Variants in TFEC observed in about 807,000 individuals in gnomAD.
TFEC encodes class E basic helix-loop-helix protein 34.
TFEC carries 31 observed loss-of-function variants against 41.6 expected under a neutral mutation model. The observed-to-expected ratio is 0.74, with a 90% CI of 0.56 to 1.01. TFEC has a LOEUF of 1.01. Ranked by LOEUF, TFEC falls within the 50% of genes least tolerant of loss-of-function variation. The probability of loss-of-function intolerance (pLI) is 0.00; values close to 1 mark genes in which losing one functional copy is unlikely to be tolerated. For missense variants in TFEC, 402 were observed against 404.1 expected (o/e 0.99, Z 0.04); for synonymous variants, 143 against 140.6 (o/e 1.02, Z -0.12).
At chr7:115,946,778 T>C (rs906440807) in intron 6 of TFEC, among the ~76,000 whole-genome samples, 3 of 150,952 alleles carry the variant, frequency 2.0e-5, no homozygotes, top group African/African-American at 7.3e-5. Context: ...TCAAACAATC[T>C]TCCTGTTTGG....
chr7:115,959,856 A>G (rs1053777557), intron 3 of TFEC, among the ~76,000 whole-genome samples: 3 of 151,642 alleles, frequency 2.0e-5, no homozygotes, highest in Non-Finnish European at 4.4e-5. Flanking sequence ...TAAACAATAC[A>G]GGGAATAGAA....
chr7:116,133,643 CTTG>C (rs1428973209), intron 1 of TFEC, among the ~76,000 whole-genome samples: 1 of 151,686 alleles, frequency 6.6e-6, no homozygotes, highest in African/African-American at 2.4e-5. Flanking sequence ...TCATGCCCCT[CTTG>C]TTGATTTCCC....
intron 1 of TFEC, chr7:116,157,388 T>C (rs2116498450): frequency 8.2e-6 from 1 of 121,294 alleles, no homozygotes; most frequent in East Asian, 2.4e-4. Flanking sequence ...AATAAATAAG[T>C]AAGCACAAAT....
At chr7:116,113,399 G>T (rs1281637733) in intron 1 of TFEC, among the ~76,000 whole-genome samples, 1 of 151,948 alleles carries the variant, frequency 6.6e-6, no homozygotes, top group Non-Finnish European at 1.5e-5. Flanking sequence ...GTTGTGCTAG[G>T]AGGCAAGCTT....
chr7:115,943,173 T>G (rs1478634861), intron 6 of TFEC, among the ~76,000 whole-genome samples: 1 of 151,982 alleles, frequency 6.6e-6, no homozygotes, highest in African/African-American at 2.4e-5. Context: ...TTGAAAATGC[T>G]TTGTCATTTC....
chr7:116,109,628 G>C (rs1354817260), intron 3 of TFEC, among the ~76,000 whole-genome samples: 2 of 152,190 alleles, frequency 1.3e-5, no homozygotes, highest in Middle Eastern at 6.3e-3. Flanking sequence ...CTGTTGGTGG[G>C]ACTGTAAACT....
At chr7:116,065,807 T>C (rs541111937) in intron 3 of TFEC, among the ~76,000 whole-genome samples, 45 of 152,230 alleles carry the variant, frequency 3.0e-4, no homozygotes, top group African/African-American at 1.1e-3. Context: ...TGCTACAGCA[T>C]GAATACCTAA....
At chr7:116,017,554 C>T (rs1016819636) in intron 1 of TFEC, among the ~76,000 whole-genome samples, 2 of 152,084 alleles carry the variant, frequency 1.3e-5, no homozygotes, top group African/African-American at 2.4e-5. Flanking sequence ...ATCCAGCTTC[C>T]GTACCATGAC....
At chr7:115,988,208 T>C (rs549599091) in intron 1 of TFEC, among the ~76,000 whole-genome samples, 1 of 151,874 alleles carries the variant, frequency 6.6e-6, no homozygotes, top group African/African-American at 2.4e-5. Flanking sequence ...AAAAACATGG[T>C]TTGAAGAAGC....
chr7:116,129,493 G>T (rs561139963), intron 1 of TFEC, among the ~76,000 whole-genome samples: 30 of 151,064 alleles, frequency 2.0e-4, no homozygotes, highest in South Asian at 1.9e-3. Context: ...AATCCCCAAG[G>T]CTCACCAAGA....
In TFEC at chr7:115,950,918, G is replaced by GT; in HGVS notation, c.470dup (p.Tyr157Ter). The GT allele has an allele frequency of 6.2e-7, 1 of 1,602,064 alleles. No individual in the cohort carries two copies. Residue 157 changes from tyrosine (Y) to a stop codon, truncating the protein, a stop_gained and frameshift_variant, in exon 6 of 8, where the codon TAC becomes TAAC. Transcript: ENST00000265440. LOFTEE classifies it high-confidence loss of function. Reference protein sequence around the residue: ...IERRRRYNINYRIKELGTLIP... With the variant: ...IERRRRYNIN ...TAAGAGTGCCAAGCTCCTTGATTCG[G>GT]TAATTAATATTATACCTTCTTCTTC...
chr7:116,046,446 A>G (rs1796166682), intron 3 of TFEC, among the ~76,000 whole-genome samples: 1 of 151,972 alleles, frequency 6.6e-6, no homozygotes, highest in South Asian at 2.1e-4. Flanking sequence ...TCTTCATTTT[A>G]TCTCTTGCTG....
chr7:115,947,116 T>C (rs1307619145), intron 6 of TFEC, among the ~76,000 whole-genome samples: 1 of 129,008 alleles, frequency 7.8e-6, no homozygotes, highest in Non-Finnish European at 1.6e-5. Flanking sequence ...TTCCCCTTCC[T>C]GTGTCCATGT....
At chr7:116,006,781 A>T (rs923437992) in intron 1 of TFEC, among the ~76,000 whole-genome samples, 1 of 152,166 alleles carries the variant, frequency 6.6e-6, no homozygotes, top group Non-Finnish European at 1.5e-5. Flanking sequence ...CCCAAATCTT[A>T]TCTTGAATTC....
intron 1 of TFEC, among the ~76,000 whole-genome samples, chr7:116,007,014 G>A (rs4389867): frequency 3.9e-5 from 6 of 152,120 alleles, no homozygotes; most frequent in Admixed American, 2.6e-4. Context: ...ACTGTAAGTC[G>A]ATTAAACCTC....
chr7:116,117,192 C>A (rs1798009595), intron 1 of TFEC, among the ~76,000 whole-genome samples: 1 of 151,758 alleles, frequency 6.6e-6, no homozygotes, highest in South Asian at 2.1e-4. Flanking sequence ...ATTTAATCTG[C>A]TTGACTAAAT....
rs117173590 is a variant in TFEC, at chr7:116,074,307, A to G, written c.198+36401T>C. 8.9e-3 allele frequency among the ~76,000 whole-genome samples: 1,361 copies of G among 152,100 alleles called. 9 individuals carry two copies. The highest frequency in any genetic ancestry group is 0.014 in the Non-Finnish European group (928 of 67,902). ...GTTTGTCCTCCAAAGAACACCAACAAGAATTGAAAAGACAACCCACATAAT... is the reference window on the plus strand; with the variant it reads ...GTTTGTCCTCCAAAGAACACCAACAGGAATTGAAAAGACAACCCACATAAT... On this transcript the variant is annotated intron_variant, in intron 3 of 8. Transcript: ENST00000484212.
At chr7:116,110,915 C>A in exon 3 of TFEC, 1 of 1,506,102 alleles carries the variant, frequency 6.6e-7, no homozygotes, top group Non-Finnish European at 8.9e-7. Context: ...TATTTCTCTT[C>A]TTTTCTTCTC....
chr7:115,965,621 A>G (rs907027560), intron 3 of TFEC, among the ~76,000 whole-genome samples: 1 of 151,750 alleles, frequency 6.6e-6, no homozygotes, highest in Non-Finnish European at 1.5e-5. Flanking sequence ...TGCATTGGCA[A>G]CATATTTTTG....
Sources: gnomAD v4.1 joint callset for allele counts (sites outside exome capture counted in the v4.1 genomes callset) on GRCh38, gnomAD v4.1.1 for gene constraint, MANE v1.5 for transcripts, NCBI Gene and HGNC (gene_info 2026-07-23, HGNC 2026-07-21) for gene names.